The following DCAF8L2 variants were observed in gnomAD, a reference collection of about 807,000 sequenced individuals.
DCAF8L2 encodes DDB1 and CUL4 associated factor 8 like 2.
For missense variants in DCAF8L2, 430 were observed against 490.7 expected (o/e 0.88, Z 1.17); for synonymous variants, 200 against 190.9 (o/e 1.05, Z -0.39).
intron 1 of DCAF8L2, among the ~76,000 whole-genome samples, chrX:27,624,441 A>C (rs142345512): frequency 3.8e-4 from 42 of 110,745 alleles, no homozygotes; most frequent in African/African-American, 1.3e-3. Flanking sequence ...GCCCAAAGCA[A>C]TTTACCGAGT....
At chrX:27,470,415 A>G in the DCAF8L2 span, among the ~76,000 whole-genome samples, 1 of 112,138 alleles carries the variant, frequency 8.9e-6, no homozygotes, top group Non-Finnish European at 1.9e-5. Context: ...ACCTTTATGC[A>G]AATGAAGGAT....
chrX:27,707,636 G>A (rs950808299), intron 3 of DCAF8L2, among the ~76,000 whole-genome samples: 4 of 111,700 alleles, frequency 3.6e-5, no homozygotes, highest in Non-Finnish European at 7.5e-5. Context: ...CTAGGGAAAG[G>A]AGCATATATG....
the DCAF8L2 span, among the ~76,000 whole-genome samples, chrX:27,539,329 G>A: frequency 2.7e-5 from 3 of 111,681 alleles, no homozygotes; most frequent in Non-Finnish European, 5.6e-5. Flanking sequence ...AGGCAACTTG[G>A]TCTTGGCTAT....
chrX:27,473,275 C>T, the DCAF8L2 span, among the ~76,000 whole-genome samples: 9 of 112,164 alleles, frequency 8.0e-5, no homozygotes, highest in Non-Finnish European at 1.7e-4. Flanking sequence ...AAATGCCATC[C>T]ACAGCTATAA....
chrX:27,709,221 G>A (rs1213400950), intron 3 of DCAF8L2, among the ~76,000 whole-genome samples: 1 of 112,473 alleles, frequency 8.9e-6, no homozygotes, highest in South Asian at 3.6e-4. Flanking sequence ...CGCCCGACCA[G>A]TTCCACCTGC....
At chrX:27,634,819 A>T (rs1431812104) in intron 2 of DCAF8L2, among the ~76,000 whole-genome samples, 1 of 111,163 alleles carries the variant, frequency 9.0e-6, no homozygotes, top group Non-Finnish European at 1.9e-5. Flanking sequence ...TATATTAAAC[A>T]TAAATGAATT....
chrX:27,470,048 G>A, the DCAF8L2 span, among the ~76,000 whole-genome samples: 10 of 111,822 alleles, frequency 8.9e-5, no homozygotes, highest in Non-Finnish European at 1.7e-4. Context: ...GATTACAGGC[G>A]TGAGCCACTG....
chrX:27,499,942 C>T, the DCAF8L2 span, among the ~76,000 whole-genome samples: 1 of 111,648 alleles, frequency 9.0e-6, no homozygotes, highest in Non-Finnish European at 1.9e-5. Flanking sequence ...TGATTGTTTC[C>T]TTTGGTGTGG....
chrX:27,651,408 C>G (rs1425900360), intron 2 of DCAF8L2, among the ~76,000 whole-genome samples: 1 of 110,226 alleles, frequency 9.1e-6, no homozygotes, highest in Non-Finnish European at 1.9e-5. Context: ...ATGTGTATGT[C>G]CTTCATTAAA....
chrX:27,696,266 GAGAGAAAGAAAGAA>G (rs1200670054), intron 3 of DCAF8L2, among the ~76,000 whole-genome samples: 23 of 71,992 alleles, frequency 3.2e-4, no homozygotes, highest in Non-Finnish European at 2.3e-4. Context: ...GGAAGAGAGA[GAGAGAAAGAAAGAA>G]AGAAAGAAAG....
chrX:27,666,539 A>G (rs1316366752), intron 2 of DCAF8L2, among the ~76,000 whole-genome samples: 1 of 112,353 alleles, frequency 8.9e-6, no homozygotes, highest in Non-Finnish European at 1.9e-5. Flanking sequence ...GTGTCAAGAT[A>G]GGCTGAATAA....
chrX:27,734,250 G>A (rs1001142678), intron 4 of DCAF8L2, among the ~76,000 whole-genome samples: 1 of 111,082 alleles, frequency 9.0e-6, no homozygotes, highest in Non-Finnish European at 1.9e-5. Flanking sequence ...TAAAAATATC[G>A]CTGTTTGCAG....
At chrX:27,509,251 T>C in the DCAF8L2 span, among the ~76,000 whole-genome samples, 1 of 111,448 alleles carries the variant, frequency 9.0e-6, no homozygotes, top group African/African-American at 3.3e-5. Context: ...GAGCTGAGAT[T>C]TCAACATCAT....
chrX:27,509,284 A>G, the DCAF8L2 span, among the ~76,000 whole-genome samples: 25 of 111,424 alleles, frequency 2.2e-4, no homozygotes, highest in Non-Finnish European at 4.7e-4. Flanking sequence ...TGTGACTACC[A>G]TGGATTTCCC....
At chrX:27,512,179 G>A in the DCAF8L2 span, among the ~76,000 whole-genome samples, 1 of 111,047 alleles carries the variant, frequency 9.0e-6, no homozygotes, top group Non-Finnish European at 1.9e-5. Flanking sequence ...GCTGAGGTGA[G>A]AGGATTGATT....
At chrX:27,614,951 C>T (rs1249946474) in intron 1 of DCAF8L2, among the ~76,000 whole-genome samples, 1 of 111,208 alleles carries the variant, frequency 9.0e-6, no homozygotes, top group African/African-American at 3.3e-5. Context: ...AGCCCATATA[C>T]ACAATGATAC....
At chrX:27,644,671 C>T (rs1162700681) in intron 2 of DCAF8L2, among the ~76,000 whole-genome samples, 2 of 111,927 alleles carry the variant, frequency 1.8e-5, no homozygotes, top group Non-Finnish European at 3.8e-5. Context: ...GAAAGTACTG[C>T]TATTTAGGGC....
chrX:27,521,534 A>G, the DCAF8L2 span, among the ~76,000 whole-genome samples: 1 of 112,366 alleles, frequency 8.9e-6, no homozygotes, highest in Non-Finnish European at 1.9e-5. Context: ...ACAGAAAACT[A>G]TGGAGAACGC....
chrX:27,661,935 A>G (rs1354599426), intron 2 of DCAF8L2, among the ~76,000 whole-genome samples: 1 of 112,040 alleles, frequency 8.9e-6, no homozygotes, highest in Non-Finnish European at 1.9e-5. Flanking sequence ...TCTTACACTG[A>G]AATAAACTTA....
Sources: gnomAD v4.1 joint callset for allele counts (sites outside exome capture counted in the v4.1 genomes callset) on GRCh38, gnomAD v4.1.1 for gene constraint, MANE v1.5 for transcripts, NCBI Gene and HGNC (gene_info 2026-07-23, HGNC 2026-07-21) for gene names.